The following FBXL7 variants were observed in gnomAD, a reference collection of about 807,000 sequenced individuals.
The protein encoded by FBXL7 is F-box/LRR-repeat protein 7.
Under a neutral mutation model 38.3 loss-of-function variants are expected in FBXL7, and 12 were observed. The ratio of observed to expected loss-of-function variants is 0.31; its 90% CI spans 0.20 to 0.51. FBXL7 has a LOEUF of 0.51. Ranked by LOEUF, FBXL7 falls within the 20% of genes least tolerant of loss-of-function variation. The probability of loss-of-function intolerance (pLI) is 0.98; values close to 1 mark genes in which losing one functional copy is unlikely to be tolerated. For synonymous variants in FBXL7, 297 were observed against 300.9 expected, an observed-to-expected ratio of 0.99 and a Z score of 0.13; for missense variants, 567 against 676.4, an observed-to-expected ratio of 0.84 and a Z score of 1.79.
At chr5:15,872,921 C>A (rs561905425) in intron 2 of FBXL7, among the ~76,000 whole-genome samples, 21 of 151,866 alleles carry the variant, frequency 1.4e-4, no homozygotes, top group Non-Finnish European at 2.1e-4. Context: ...CAGCTCTGGA[C>A]CAAGTGGACC....
chr5:15,812,395 C>T (rs1222275514), intron 2 of FBXL7, among the ~76,000 whole-genome samples: 1 of 152,012 alleles, frequency 6.6e-6, no homozygotes, highest in Non-Finnish European at 1.5e-5. Flanking sequence ...GTATATAGGG[C>T]TCAAAACCTA....
intron 2 of FBXL7, among the ~76,000 whole-genome samples, chr5:15,619,405 G>C (rs1395896065): frequency 6.6e-6 from 1 of 152,158 alleles, no homozygotes; most frequent in South Asian, 2.1e-4. Flanking sequence ...ATGGGAAGCC[G>C]TCTCCTGCCC....
intron 2 of FBXL7, among the ~76,000 whole-genome samples, chr5:15,644,310 A>AG (rs1170419795): frequency 9.6e-6 from 1 of 103,748 alleles, no homozygotes; most frequent in African/African-American, 3.4e-5. Flanking sequence ...AATCCAAAAA[A>AG]AAAAAAAAAA....
At chr5:15,516,537 T>G (rs568646896) in intron 1 of FBXL7, among the ~76,000 whole-genome samples, 1 of 152,252 alleles carries the variant, frequency 6.6e-6, no homozygotes, top group African/African-American at 2.4e-5. Flanking sequence ...TAGGTATCCA[T>G]GTACCAGAGT....
At chr5:15,680,662 G>C (rs958843026) in intron 2 of FBXL7, among the ~76,000 whole-genome samples, 2 of 152,180 alleles carry the variant, frequency 1.3e-5, no homozygotes, top group Non-Finnish European at 2.9e-5. Context: ...CTGAAGCCCA[G>C]TTACGTCATG....
chr5:15,766,002 A>G (rs1327990664), intron 2 of FBXL7, among the ~76,000 whole-genome samples: 1 of 151,916 alleles, frequency 6.6e-6, no homozygotes, highest in Non-Finnish European at 1.5e-5. Flanking sequence ...CCAACACTCC[A>G]GCTTCATCTA....
intron 1 of FBXL7, among the ~76,000 whole-genome samples, chr5:15,536,647 G>A (rs1356784298): frequency 1.3e-5 from 2 of 152,150 alleles, no homozygotes; most frequent in Non-Finnish European, 2.9e-5. Context: ...TACTTTCATT[G>A]TATCTTGGAA....
chr5:15,537,522 C>T (rs60117975), intron 1 of FBXL7, among the ~76,000 whole-genome samples: 1,718 of 152,282 alleles, frequency 0.011, 29 homozygotes, highest in African/African-American at 0.038. Flanking sequence ...TAGCAAGAGC[C>T]GTTCTTCCCC....
intron 2 of FBXL7, among the ~76,000 whole-genome samples, chr5:15,824,990 C>T (rs1041405645): frequency 3.3e-5 from 5 of 152,020 alleles, no homozygotes; most frequent in Admixed American, 2.6e-4. Flanking sequence ...TAATTCATTG[C>T]GATATGTTTT....
rs368488583 is a variant in FBXL7 at position 15,500,722 on chromosome 5, G to A, written c.37+9G>A. The A allele has an allele frequency of 3.6e-5, 58 of 1,604,878 alleles. No individual in the cohort carries two copies. The African/African-American group carries it at 4.5e-4, about 12-fold the overall frequency. On this transcript the variant is annotated intron_variant, in intron 1 of 3. Transcript: ENST00000504595. Reference sequence around the variant, plus strand: ...ACAGTACGGCAGTGAGGGTGAGTGGGCCGCCCGTCCTCAGACTCCCGGATC... The same window carrying A: ...ACAGTACGGCAGTGAGGGTGAGTGGACCGCCCGTCCTCAGACTCCCGGATC...
At chr5:15,773,923 G>A (rs1736794389) in intron 2 of FBXL7, among the ~76,000 whole-genome samples, 1 of 152,096 alleles carries the variant, frequency 6.6e-6, no homozygotes, top group South Asian at 2.1e-4. Flanking sequence ...AATGTTCACT[G>A]TGGTTCCATG....
chr5:15,671,534 C>T (rs1742477052), intron 2 of FBXL7, among the ~76,000 whole-genome samples: 1 of 152,132 alleles, frequency 6.6e-6, no homozygotes. Context: ...TTAATAATCC[C>T]TAACTCTGAT....
At chr5:15,868,534 C>T (rs546448913) in intron 2 of FBXL7, among the ~76,000 whole-genome samples, 47 of 152,314 alleles carry the variant, frequency 3.1e-4, no homozygotes, top group Non-Finnish European at 5.9e-4. Context: ...ATTTGGGGAA[C>T]TAAATCTGAG....
chr5:15,808,168 A>G (rs1737765642), intron 2 of FBXL7, among the ~76,000 whole-genome samples: 1 of 151,818 alleles, frequency 6.6e-6, no homozygotes, highest in Admixed American at 6.6e-5. Context: ...TGAAATATGT[A>G]TGTGGCAGTG....
chr5:15,827,296 C>T (rs1454117397), intron 2 of FBXL7, among the ~76,000 whole-genome samples: 1 of 150,924 alleles, frequency 6.6e-6, no homozygotes, highest in African/African-American at 2.4e-5. Flanking sequence ...CTTTGGTTTT[C>T]CTAGATCTGA....
intron 2 of FBXL7, among the ~76,000 whole-genome samples, chr5:15,655,447 T>A (rs1741844162): frequency 6.7e-6 from 1 of 150,334 alleles, no homozygotes; most frequent in African/African-American, 2.5e-5. Flanking sequence ...TGAGCCGAGA[T>A]CTCGTCACTG....
chr5:15,763,929 CA>C (rs1321632493), intron 2 of FBXL7, among the ~76,000 whole-genome samples: 1 of 152,136 alleles, frequency 6.6e-6, no homozygotes, highest in Non-Finnish European at 1.5e-5. Flanking sequence ...TAGTCTGAGT[CA>C]AAGGCCTGAG....
intron 1 of FBXL7, among the ~76,000 whole-genome samples, chr5:15,507,357 T>A (rs1185861071): frequency 6.6e-6 from 1 of 152,218 alleles, no homozygotes; most frequent in African/African-American, 2.4e-5. Flanking sequence ...GATTTGGGGA[T>A]CTTTTTGCAC....
rs1456038977 is a variant in FBXL7, at chr5:15,602,755, CTT to C, written c.38-13227_38-13226del. 7.9e-5 allele frequency among the ~76,000 whole-genome samples: 12 copies of C among 152,264 alleles called. No homozygotes were observed. The East Asian group carries it at 2.1e-3, about 27-fold the overall frequency. The stretch of plus-strand genomic sequence containing the variant: ...CCCCCAAAAAGAAGAATAAAATACT[CTT>C]AAAAAAGAAAATAAAACAGTGTTTG... On this transcript the variant is annotated intron_variant, in intron 1 of 3. Coordinates refer to ENST00000504595, the MANE Select transcript of FBXL7 (RefSeq NM_012304.5).
Sources: allele counts gnomAD v4.1 joint callset (sites outside exome capture counted in the v4.1 genomes callset), GRCh38; gene constraint gnomAD v4.1.1; transcripts MANE v1.5; gene names NCBI Gene and HGNC (gene_info 2026-07-23, HGNC 2026-07-21).